HOOK3: variants seen among roughly 807,000 people sequenced by gnomAD.
HOOK3 encodes protein Hook homolog 3.
A neutral mutation model predicts 116.3 loss-of-function variants in HOOK3; 24 were observed. The ratio of observed to expected loss-of-function variants is 0.21; its 90% CI spans 0.15 to 0.29. The LOEUF (loss-of-function observed/expected upper bound fraction) is 0.29. Among genes scored for constraint, HOOK3 ranks in the 10% least tolerant of loss-of-function variants. HOOK3 has a pLI of 1.00. For missense variants in HOOK3, 632 were observed against 830.2 expected, an observed-to-expected ratio of 0.76 and a Z score of 2.93; for synonymous variants, 275 against 283.0, an observed-to-expected ratio of 0.97 and a Z score of 0.28.
chr8:42,967,949 C>A, intron 10 of HOOK3, 64 bp from the exon 11 acceptor site: 3 of 911,830 alleles, frequency 3.3e-6, no homozygotes, highest in Non-Finnish European at 5.3e-6. Context: ...TCCTTCTTAA[C>A]ACTGAAACAA....
intron 12 of HOOK3, among the ~76,000 whole-genome samples, 179 bp downstream of exon 12, chr8:42,973,578 GA>G (rs1331171274): frequency 6.6e-6 from 1 of 152,134 alleles, no homozygotes; most frequent in Non-Finnish European, 1.5e-5. Flanking sequence ...AAAGTGGAAA[GA>G]ATATTTTTAT....
At chr8:43,018,230 GAGT>G in intron 21 of HOOK3, 125 bp from the exon 22 acceptor site, 1 of 813,414 alleles carries the variant, frequency 1.2e-6, no homozygotes, top group Non-Finnish European at 1.8e-6. Context: ...AATCTATAGT[GAGT>G]AGTATTAACA....
chr8:43,026,795 A>G lies in HOOK3; in HGVS notation c.*8297A>G. 1 of 226,708 alleles carries G rather than the reference A, an allele frequency of 4.4e-6. No homozygotes were observed. Among genetic ancestry groups the G allele is most frequent in the Non-Finnish European group, 8.8e-6 (1 of 113,848 alleles). 14.0% of individuals were successfully genotyped at this position (226,708 alleles called of 1,614,324 possible). ...AATGGTGGGGAAGAGGTGACTGGAA[A>G]GGCAGGCACTAAAGATGGCAGGCTG... is the stretch of plus-strand genomic sequence containing the variant. On this transcript the variant is annotated 3_prime_UTR_variant, in exon 22 of 22. Coordinates refer to ENST00000307602, the MANE Select transcript of HOOK3 (RefSeq NM_032410.4).
At position 42,902,936 on chromosome 8, in the gene HOOK3, A is replaced by G. The variant is rs1807219835; in HGVS notation, c.58-3237A>G. On this transcript the variant is annotated intron_variant, in intron 1 of 21. Transcript: ENST00000307602. Reference sequence around the variant, plus strand: ...ATTTTTCCTTCTAAACAAACCTACAAGAAAGATTGGGTTTTCTTTTTTGAA... The same window carrying G: ...ATTTTTCCTTCTAAACAAACCTACAGGAAAGATTGGGTTTTCTTTTTTGAA... Among the ~76,000 whole-genome samples, 3 of 152,216 alleles carry G rather than the reference A, an allele frequency of 2.0e-5. No homozygotes were observed. The South Asian group carries it at 6.2e-4, about 32-fold the overall frequency.
intron 4 of HOOK3, among the ~76,000 whole-genome samples, chr8:42,937,786 A>C (rs890784884): frequency 2.0e-4 from 30 of 152,228 alleles, no homozygotes; most frequent in African/African-American, 7.2e-4. Context: ...TTTTGCATTT[A>C]CTGAGGAGTG....
At chr8:42,905,557 T>C (rs2130320753) in intron 1 of HOOK3, among the ~76,000 whole-genome samples, 1 of 152,208 alleles carries the variant, frequency 6.6e-6, no homozygotes, top group Middle Eastern at 3.4e-3. Flanking sequence ...CCTGAGTCAG[T>C]CACTGGTAGA....
At chr8:42,925,654 A>G (rs1334955990) in intron 3 of HOOK3, 25 bp downstream of exon 3, 3 of 1,455,336 alleles carry the variant, frequency 2.1e-6, no homozygotes, top group South Asian at 1.2e-5. Context: ...CACCTGTTAA[A>G]TCTTTAAATA....
intron 9 of HOOK3, 51 bp from the exon 10 acceptor site, chr8:42,966,422 A>T (rs756093143): frequency 6.3e-7 from 1 of 1,588,816 alleles, no homozygotes; most frequent in African/African-American, 1.3e-5. Flanking sequence ...TCTAAGGAGA[A>T]TGAGGAGGCA....
chr8:42,974,936 C>T (rs1032841219), intron 13 of HOOK3, among the ~76,000 whole-genome samples: 5 of 152,156 alleles, frequency 3.3e-5, no homozygotes, highest in African/African-American at 9.7e-5. Flanking sequence ...TGTGTGGATG[C>T]CGAGTCCCTC....
chr8:42,946,413 T>G (rs1051210016), intron 5 of HOOK3, among the ~76,000 whole-genome samples: 19 of 151,972 alleles, frequency 1.3e-4, no homozygotes, highest in Non-Finnish European at 2.1e-4. Flanking sequence ...ACACTATAAT[T>G]GGAGTATAGT....
chr8:42,998,216 T>G (rs1228398024), intron 16 of HOOK3: 1 of 153,308 alleles, frequency 6.5e-6, no homozygotes, highest in Admixed American at 6.5e-5. Context: ...GTGTTAACCT[T>G]CTATCACAGT....
chr8:42,948,163 C>A (rs1808270825), intron 5 of HOOK3, among the ~76,000 whole-genome samples: 1 of 152,090 alleles, frequency 6.6e-6, no homozygotes. Flanking sequence ...GTGACTTGCC[C>A]AATACTTCCT....
chr8:43,029,845 G>A lies in HOOK3; in HGVS notation c.*11347G>A, dbSNP rs117956560. 0.014 allele frequency: 3,051 copies of A among 213,388 alleles called. 37 individuals are homozygous for A. The highest frequency in any genetic ancestry group is 0.021 in the Non-Finnish European group (2,232 of 105,616). The allele number at this position is 213,388 out of a possible 1,614,324, so 13.2% of individuals were successfully genotyped here. A position where few individuals can be genotyped will look rare whatever the true frequency, so the allele number is the denominator to read the frequency against. ...TATTGAGTACAGCCCCAACTCTGAA[G>A]CCTTATATTCATGTCTTAAGTACCA... On this transcript the variant is annotated 3_prime_UTR_variant, in exon 22 of 22. Transcript: ENST00000307602.
chr8:42,918,739 T>TG (rs1160691042), intron 2 of HOOK3, among the ~76,000 whole-genome samples: 2 of 152,194 alleles, frequency 1.3e-5, no homozygotes, highest in South Asian at 2.1e-4. Context: ...AGCAAGGGGT[T>TG]GGGGGTAAGG....
intron 17 of HOOK3, among the ~76,000 whole-genome samples, chr8:43,005,214 A>ATAATTTTTTTTT (rs1809459430): frequency 3.2e-5 from 2 of 63,182 alleles, no homozygotes; most frequent in Admixed American, 2.3e-4. Context: ...TATATATATA[A>ATAATTTTTTTTT]TTTTTTTTTT....
intron 11 of HOOK3, among the ~76,000 whole-genome samples, chr8:42,971,685 A>T (rs529739626): frequency 4.5e-4 from 68 of 150,738 alleles, no homozygotes; most frequent in African/African-American, 1.6e-3. Flanking sequence ...TTTATTAATT[A>T]ATTTATTTAT....
intron 5 of HOOK3, among the ~76,000 whole-genome samples, chr8:42,944,415 C>CA (rs1308761231): frequency 6.6e-6 from 1 of 151,398 alleles, no homozygotes; most frequent in Non-Finnish European, 1.5e-5. Context: ...GACCCTGTCT[C>CA]AAAAAAAGAG....
intron 10 of HOOK3, among the ~76,000 whole-genome samples, chr8:42,967,072 A>G (rs1309071873): frequency 2.0e-5 from 3 of 151,926 alleles, no homozygotes; most frequent in Non-Finnish European, 4.4e-5. Flanking sequence ...TCTGTTGATT[A>G]TCTCAACCAT....
chr8:42,991,149 G>T (rs1809152788), intron 15 of HOOK3, among the ~76,000 whole-genome samples: 1 of 152,090 alleles, frequency 6.6e-6, no homozygotes. Flanking sequence ...ACTGGTCTAT[G>T]TGTCTGTTTT....
Sources: allele counts gnomAD v4.1 joint callset (sites outside exome capture counted in the v4.1 genomes callset), GRCh38; gene constraint gnomAD v4.1.1; transcripts MANE v1.5; gene names NCBI Gene and HGNC (gene_info 2026-07-23, HGNC 2026-07-21).